Variants in RIMS4 observed in about 807,000 individuals in gnomAD.
RIMS4 encodes the protein regulating synaptic membrane exocytosis protein 4.
In RIMS4, 9 loss-of-function variants were observed where a neutral mutation model predicts 29.0. The ratio of observed to expected loss-of-function variants is 0.31; its 90% CI spans 0.19 to 0.54. The LOEUF (loss-of-function observed/expected upper bound fraction) is 0.54. RIMS4 is among the 20% of genes least tolerant of loss of function. The pLI is 0.94. For synonymous variants in RIMS4, 130 were observed against 152.9 expected, an observed-to-expected ratio of 0.85 and a Z score of 1.10; for missense variants, 193 against 365.7, an observed-to-expected ratio of 0.53 and a Z score of 3.85.
intron 2 of RIMS4, among the ~76,000 whole-genome samples, chr20:44,766,165 G>A (rs928791159): frequency 2.0e-5 from 3 of 152,124 alleles, no homozygotes; most frequent in Admixed American, 6.5e-5. Context: ...TTCTGCCCAC[G>A]CCCAGGACAG....
At chr20:44,801,090 G>C (rs1456515185) in intron 1 of RIMS4, among the ~76,000 whole-genome samples, 1 of 152,186 alleles carries the variant, frequency 6.6e-6, no homozygotes, top group African/African-American at 2.4e-5. Context: ...AGGACAGGCT[G>C]AGGCCTAGAT....
At chr20:44,771,033 A>G (rs1246363941) in intron 2 of RIMS4, among the ~76,000 whole-genome samples, 1 of 152,236 alleles carries the variant, frequency 6.6e-6, no homozygotes, top group Non-Finnish European at 1.5e-5. Flanking sequence ...ACCTTGCCCA[A>G]GGTCACACAG....
intron 2 of RIMS4, among the ~76,000 whole-genome samples, chr20:44,761,282 G>C (rs2066083786): frequency 1.3e-5 from 2 of 152,162 alleles, no homozygotes; most frequent in Admixed American, 6.5e-5. Flanking sequence ...ATGAGCCGGA[G>C]AGTTAAGAAA....
chr20:44,769,435 G>C (rs1287147396), intron 2 of RIMS4, among the ~76,000 whole-genome samples: 1 of 152,148 alleles, frequency 6.6e-6, no homozygotes, highest in African/African-American at 2.4e-5. Context: ...CATGAGAGAG[G>C]TCCACTGATG....
At chr20:44,806,272 C>T (rs1218418591) in intron 1 of RIMS4, among the ~76,000 whole-genome samples, 1 of 152,182 alleles carries the variant, frequency 6.6e-6, no homozygotes, top group Non-Finnish European at 1.5e-5. Flanking sequence ...CAATTCCAGA[C>T]CCTGATGTAA....
intron 1 of RIMS4, among the ~76,000 whole-genome samples, chr20:44,788,753 C>A (rs1263482502): frequency 3.3e-5 from 5 of 151,898 alleles, no homozygotes; most frequent in South Asian, 2.1e-4. Flanking sequence ...CAGAGAAAGA[C>A]CCTGTCTCTA....
At chr20:44,757,431 A>G (rs2066065447) in intron 4 of RIMS4, among the ~76,000 whole-genome samples, 1 of 152,066 alleles carries the variant, frequency 6.6e-6, no homozygotes, top group African/African-American at 2.4e-5. Context: ...GATAAGCTGG[A>G]AAGATGGTCC....
At chr20:44,783,075 C>T (rs1768934106) in intron 1 of RIMS4, among the ~76,000 whole-genome samples, 1 of 152,194 alleles carries the variant, frequency 6.6e-6, no homozygotes, top group Admixed American at 6.5e-5. Flanking sequence ...AGTAGTGTCC[C>T]TGATTCTCAG....
intron 1 of RIMS4, among the ~76,000 whole-genome samples, chr20:44,808,538 G>A (rs73288463): frequency 0.017 from 2,592 of 152,270 alleles, 85 homozygotes; most frequent in African/African-American, 0.059. Flanking sequence ...GCCTTGTCCA[G>A]AATAATAATA....
chr20:44,757,009 C>T lies in RIMS4; in HGVS notation c.480G>A (p.Glu160=). 6.2e-7 allele frequency: 1 copy of T among 1,614,036 alleles called. No individual in the cohort carries two copies. The highest frequency in any genetic ancestry group is 8.5e-7 in the Non-Finnish European group (1 of 1,179,952). Reference sequence around the variant, plus strand: ...TCTTCTTGGCAATGCAGATGCCATTCTCTAGCAGGTAGGCCTTGATGTAGG... The same window carrying T: ...TCTTCTTGGCAATGCAGATGCCATTTTCTAGCAGGTAGGCCTTGATGTAGG... ...PAAYIKAYLL[E]NGICIAKKKT... The change falls in exon 5 of 6, where the codon GAG becomes GAA. Residue 160 remains glutamate (E), a synonymous_variant. Coordinates refer to ENST00000372851, the MANE Select transcript of RIMS4 (RefSeq NM_182970.4).
intron 1 of RIMS4, among the ~76,000 whole-genome samples, chr20:44,803,659 G>C (rs762316999): frequency 4.6e-5 from 7 of 152,170 alleles, no homozygotes; most frequent in Non-Finnish European, 8.8e-5. Context: ...AGAAGGGGAG[G>C]GGGGAGGAAG....
At chr20:44,759,706 G>A (rs1242125875) in intron 2 of RIMS4, among the ~76,000 whole-genome samples, 3 of 152,174 alleles carry the variant, frequency 2.0e-5, no homozygotes, top group Non-Finnish European at 4.4e-5. Context: ...CCTCTCTCTG[G>A]GAAATAAAAA....
At chr20:44,772,232 A>G (rs1489822915) in intron 1 of RIMS4, among the ~76,000 whole-genome samples, 1 of 152,048 alleles carries the variant, frequency 6.6e-6, no homozygotes, top group Non-Finnish European at 1.5e-5. Context: ...TGGCCCCTCC[A>G]AAACAGCAGC....
In RIMS4 at chr20:44,756,403, GC is replaced by G; in HGVS notation, c.592-52del. 6.5e-7 allele frequency: 1 copy of G among 1,527,960 alleles called. No individual in the cohort carries two copies. 94.7% of individuals were successfully genotyped at this position (1,527,960 alleles called of 1,614,324 possible). ...CAAATCCTGCCAGTGCCACTCACAG[GC>G]CCAGAAGCAGAACCTGGGTCGCCCC... On this transcript the variant is annotated intron_variant, in intron 5 of 5. Transcript: ENST00000372851. This position sits in a 1 kb window ranked among gnomAD's most constrained non-coding sequence, Gnocchi z 5.9.
intron 1 of RIMS4, among the ~76,000 whole-genome samples, chr20:44,782,623 C>A (rs144374283): frequency 1.3e-5 from 2 of 152,294 alleles, no homozygotes; most frequent in African/African-American, 4.8e-5. Context: ...ATCCCACGAA[C>A]TCATCTGGGA....
At chr20:44,784,388 C>T (rs1157797860) in intron 1 of RIMS4, among the ~76,000 whole-genome samples, 2 of 152,210 alleles carry the variant, frequency 1.3e-5, no homozygotes, top group Admixed American at 6.5e-5. Flanking sequence ...CCAGAGCCTC[C>T]AAGACTAGAG....
intron 1 of RIMS4, among the ~76,000 whole-genome samples, chr20:44,785,424 T>C (rs763959976): frequency 6.6e-6 from 1 of 152,162 alleles, no homozygotes; most frequent in Admixed American, 6.5e-5. Context: ...TTGCCCAAGC[T>C]GGTCTCCAAC....
In RIMS4 at chr20:44,810,159, C is replaced by T. The variant is rs756139513; in HGVS notation, c.97+16G>A. ...CGGGACACCCCGGGGGTCTGGGGGG[C>T]GGGCCGCGCGCTTACCTGCGTCCTC... On this transcript the variant is annotated intron_variant, in intron 1 of 5. Transcript: ENST00000372851. 6 of 1,538,624 alleles carry T rather than the reference C, an allele frequency of 3.9e-6. No homozygotes were observed. Among genetic ancestry groups the T allele is most frequent in the East Asian group, 2.4e-5 (1 of 41,394 alleles).
intron 2 of RIMS4, among the ~76,000 whole-genome samples, chr20:44,765,764 A>G (rs1424040849): frequency 6.6e-6 from 1 of 152,162 alleles, no homozygotes; most frequent in Non-Finnish European, 1.5e-5. Flanking sequence ...AGTGACCCAG[A>G]CACTCAGAGA....
Sources: allele counts gnomAD v4.1 joint callset (sites outside exome capture counted in the v4.1 genomes callset), GRCh38; gene constraint gnomAD v4.1.1; non-coding constraint Gnocchi (gnomAD v3.1); transcripts MANE v1.5; gene names NCBI Gene and HGNC (gene_info 2026-07-23, HGNC 2026-07-21).